Variants in DTNB observed in about 807,000 individuals in gnomAD.
DTNB encodes the protein dystrobrevin beta, also known as DTN-B.
In DTNB, 63 loss-of-function variants were observed where a neutral mutation model predicts 90.7. The observed-to-expected ratio is 0.69, with a 90% confidence interval of 0.57 to 0.86. DTNB has a LOEUF of 0.86. Ranked by LOEUF, DTNB falls within the 40% of genes least tolerant of loss-of-function variation. The pLI is 0.00. For synonymous variants in DTNB, 277 were observed against 286.7 expected (o/e 0.97, Z 0.34); for missense variants, 744 against 807.1 (o/e 0.92, Z 0.95).
At chr2:25,379,717 G>C (rs923846759) in intron 19 of DTNB, 1 of 195,640 alleles carries the variant, frequency 5.1e-6, no homozygotes, top group South Asian at 1.9e-4. Flanking sequence ...AAAGCCCTGC[G>C]CTTGCTCACC....
intron 6 of DTNB, among the ~76,000 whole-genome samples, chr2:25,589,987 C>A (rs1488406047): frequency 1.3e-5 from 2 of 152,196 alleles, no homozygotes; most frequent in Non-Finnish European, 2.9e-5. Flanking sequence ...ATGCCAGCTG[C>A]AGTGGGGCAG....
chr2:25,610,431 T>G (rs1277082805), intron 4 of DTNB, among the ~76,000 whole-genome samples: 1 of 152,258 alleles, frequency 6.6e-6, no homozygotes, highest in Non-Finnish European at 1.5e-5. Context: ...TGGTTTTATA[T>G]AATTTTAAGC....
At chr2:25,420,053 T>C (rs2049015733) in intron 15 of DTNB, among the ~76,000 whole-genome samples, 1 of 151,838 alleles carries the variant, frequency 6.6e-6, no homozygotes, top group Admixed American at 6.5e-5. Flanking sequence ...TGCCTCACCC[T>C]ATCCCCACCA....
chr2:25,649,868 A>T, intron 2 of DTNB: 1 of 239,258 alleles, frequency 4.2e-6, no homozygotes, highest in Non-Finnish European at 6.8e-6. Context: ...GGCTGGAAAA[A>T]GGTGATTCTG....
intron 6 of DTNB, among the ~76,000 whole-genome samples, chr2:25,588,810 G>C (rs1210371167): frequency 1.3e-5 from 2 of 152,150 alleles, no homozygotes; most frequent in Non-Finnish European, 2.9e-5. Flanking sequence ...AACTGCAATT[G>C]TGAGGTATCA....
chr2:25,648,190 TG>T (rs1200258489), intron 2 of DTNB, among the ~76,000 whole-genome samples: 7 of 152,244 alleles, frequency 4.6e-5, no homozygotes, highest in African/African-American at 1.7e-4. Context: ...TCACTTTTCT[TG>T]GTGATTTTAT....
chr2:25,637,254 C>A (rs544957770), intron 3 of DTNB, among the ~76,000 whole-genome samples: 34 of 152,164 alleles, frequency 2.2e-4, no homozygotes, highest in African/African-American at 7.9e-4. Flanking sequence ...CCATAAAAAC[C>A]CTAGAAGAAA....
chr2:25,440,687 T>C (rs1022883359), intron 12 of DTNB, among the ~76,000 whole-genome samples: 1 of 130,178 alleles, frequency 7.7e-6, no homozygotes. Flanking sequence ...GTAGTAACAG[T>C]ATTTTTAACA....
At chr2:25,397,337 C>CAA (rs749225408) in intron 16 of DTNB, among the ~76,000 whole-genome samples, 30 of 63,376 alleles carry the variant, frequency 4.7e-4, no homozygotes, top group East Asian at 1.1e-3. Context: ...GACTCTGTCT[C>CAA]AAAAAAAAAA....
intron 9 of DTNB, among the ~76,000 whole-genome samples, chr2:25,513,614 TTG>T (rs935652423): frequency 4.6e-5 from 7 of 151,878 alleles, no homozygotes; most frequent in African/African-American, 1.5e-4. Context: ...TCCTAGCTAC[TTG>T]GAAGGCTGAG....
At chr2:25,573,249 T>C (rs531463179) in intron 8 of DTNB, among the ~76,000 whole-genome samples, 5 of 152,284 alleles carry the variant, frequency 3.3e-5, no homozygotes, top group African/African-American at 9.6e-5. Context: ...CCCGGCCCAC[T>C]TGGGGAACTT....
chr2:25,388,300 A>G lies in DTNB; in HGVS notation c.1637T>C (p.Met546Thr). ...GCCGGCAGACGTGGAGCGCACTGGC[A>G]TGGGCATTGGCCGGCCGCCTCCATG... is the stretch of plus-strand genomic sequence containing the variant. ...PTHGGGRPMP[M>T]PVRSTSAGST... is the part of the protein sequence containing the mutation. Residue 546 changes from methionine (M) to threonine (T), a missense_variant, in exon 17 of 21, where the codon ATG (methionine) becomes ACG (threonine). By Grantham distance (81) the Met-to-Thr change is moderately conservative (BLOSUM62 -1). Coordinates refer to ENST00000406818, the MANE Select transcript of DTNB (RefSeq NM_021907.5). The G allele has an allele frequency of 6.2e-7, 1 of 1,613,542 alleles. No homozygotes were observed.
chr2:25,577,768 C>T (rs567634969), intron 7 of DTNB, among the ~76,000 whole-genome samples: 14 of 151,920 alleles, frequency 9.2e-5, no homozygotes, highest in Admixed American at 2.0e-4. Flanking sequence ...TTTGGGAGGC[C>T]GAGGCGGGCA....
chr2:25,425,592 T>C (rs2051280807), intron 15 of DTNB, among the ~76,000 whole-genome samples: 1 of 152,180 alleles, frequency 6.6e-6, no homozygotes. Context: ...CGCATTTTCC[T>C]AAACTGTTAT....
intron 10 of DTNB, among the ~76,000 whole-genome samples, chr2:25,456,251 G>A (rs549224740): frequency 3.9e-5 from 6 of 152,266 alleles, no homozygotes; most frequent in South Asian, 2.1e-4. Context: ...TTATCTAATC[G>A]AATTTTCATT....
intron 8 of DTNB, among the ~76,000 whole-genome samples, chr2:25,575,342 T>G (rs2060495319): frequency 6.6e-6 from 1 of 152,108 alleles, no homozygotes; most frequent in East Asian, 1.9e-4. Context: ...TCTGTAAATT[T>G]TCTTTATTCA....
At chr2:25,450,909 A>G (rs1269897813) in intron 12 of DTNB, among the ~76,000 whole-genome samples, 1 of 152,038 alleles carries the variant, frequency 6.6e-6, no homozygotes, top group African/African-American at 2.4e-5. Flanking sequence ...GGCTCAACTA[A>G]TCTTCCCACC....
intron 8 of DTNB, among the ~76,000 whole-genome samples, chr2:25,537,471 G>T (rs1411695200): frequency 6.6e-6 from 1 of 152,100 alleles, no homozygotes; most frequent in Non-Finnish European, 1.5e-5. Context: ...GGGCAGCTTG[G>T]TATGTATGGG....
intron 5 of DTNB, among the ~76,000 whole-genome samples, chr2:25,599,586 G>A (rs919990977): frequency 5.3e-5 from 8 of 151,890 alleles, no homozygotes; most frequent in East Asian, 1.9e-4. Flanking sequence ...CGTGATGCAC[G>A]CCTCGGCTTC....
Sources: allele counts gnomAD v4.1 joint callset (sites outside exome capture counted in the v4.1 genomes callset), GRCh38; gene constraint gnomAD v4.1.1; transcripts MANE v1.5; gene names NCBI Gene and HGNC (gene_info 2026-07-23, HGNC 2026-07-21).